Variants in SHANK2 observed in about 807,000 individuals in gnomAD.
SHANK2 encodes SH3 and multiple ankyrin repeat domains protein 2.
Under a neutral mutation model 133.7 loss-of-function variants are expected in SHANK2, and 43 were observed. The observed-to-expected ratio is 0.32, with a 90% CI of 0.25 to 0.41. The LOEUF (loss-of-function observed/expected upper bound fraction) is 0.41, where lower values mean the gene tolerates loss of function less well. SHANK2 is among the 10% of genes least tolerant of loss of function. The pLI, the probability that SHANK2 is intolerant of heterozygous loss-of-function variation, is 1.00. For synonymous variants in SHANK2, 1,017 were observed against 952.8 expected (o/e 1.07, Z -1.24); for missense variants, 1,994 against 2,235.8 (o/e 0.89, Z 2.18).
intron 17 of SHANK2, among the ~76,000 whole-genome samples, chr11:70,519,741 A>T (rs1431130074): frequency 6.6e-6 from 1 of 152,006 alleles, no homozygotes; most frequent in South Asian, 2.1e-4. Flanking sequence ...TATTGTTTTT[A>T]TTTTATTTTA....
chr11:70,923,697 C>T (rs1339547147), intron 10 of SHANK2, among the ~76,000 whole-genome samples: 2 of 152,194 alleles, frequency 1.3e-5, no homozygotes, highest in African/African-American at 2.4e-5. Context: ...TACAAGTATG[C>T]ACCACCATGC....
chr11:70,752,285 G>A (rs528297333), intron 14 of SHANK2, among the ~76,000 whole-genome samples: 1 of 151,872 alleles, frequency 6.6e-6, no homozygotes, highest in South Asian at 2.1e-4. Context: ...AACAACATAG[G>A]GAGGTTAAAA....
At chr11:70,689,895 C>A (rs781979386) in intron 15 of SHANK2, among the ~76,000 whole-genome samples, 5 of 152,210 alleles carry the variant, frequency 3.3e-5, no homozygotes, top group African/African-American at 4.8e-5. Flanking sequence ...CAGCAAGGCT[C>A]TAAGCCATGA....
chr11:70,628,341 C>T (rs782200767), intron 17 of SHANK2, among the ~76,000 whole-genome samples: 3 of 152,078 alleles, frequency 2.0e-5, no homozygotes, highest in South Asian at 2.1e-4. Context: ...CAAATTCTGA[C>T]GGGCGCAGCA....
chr11:70,512,270 CA>C (rs2059214171), intron 17 of SHANK2, among the ~76,000 whole-genome samples: 1 of 152,156 alleles, frequency 6.6e-6, no homozygotes. Context: ...CAGATACTGC[CA>C]AATGTCCTAT....
rs181595041 is a variant in SHANK2, at chr11:70,830,635, T to C, written c.1175-9953A>G. Among the ~76,000 whole-genome samples the C allele has an allele frequency of 2.8e-3, 419 of 152,316 alleles. 1 individual carries two copies. The highest frequency in any genetic ancestry group is 9.4e-3 in the African/African-American group (391 of 41,560). On this transcript the variant is annotated intron_variant, in intron 11 of 25. Transcript: ENST00000601538. This position sits in a 1 kb window ranked among gnomAD's most constrained non-coding sequence, Gnocchi z 4.4. ...GATGACCGAGCGCTAGTGGTTGAGATGAAAATTAAGACAAAGATAAAAGAT... is the reference window on the plus strand; with the variant it reads ...GATGACCGAGCGCTAGTGGTTGAGACGAAAATTAAGACAAAGATAAAAGAT...
At chr11:70,671,249 C>T (rs1318126167) in intron 15 of SHANK2, among the ~76,000 whole-genome samples, 2 of 152,258 alleles carry the variant, frequency 1.3e-5, no homozygotes, top group Admixed American at 6.5e-5. Context: ...ATCAGCGCTC[C>T]CTGCCGAGAC....
intron 17 of SHANK2, among the ~76,000 whole-genome samples, chr11:70,576,823 T>C (rs1949317238): frequency 6.6e-6 from 1 of 152,110 alleles, no homozygotes; most frequent in African/African-American, 2.4e-5. Flanking sequence ...ATCCCTCACT[T>C]TTCTCCCCTA....
chr11:70,883,755 C>T (rs1258627915), intron 11 of SHANK2, among the ~76,000 whole-genome samples: 1 of 152,220 alleles, frequency 6.6e-6, no homozygotes, highest in Non-Finnish European at 1.5e-5. Flanking sequence ...GGAAACAAGA[C>T]CCGGCCTCCA....
intron 17 of SHANK2, among the ~76,000 whole-genome samples, chr11:70,636,748 ATG>A (rs1193327485): frequency 2.9e-4 from 7 of 23,830 alleles, no homozygotes; most frequent in Non-Finnish European, 6.2e-4. Flanking sequence ...ATGTGTGAGC[ATG>A]TGTGTGAGCA....
intron 17 of SHANK2, chr11:70,654,220 A>C (rs1318839730): frequency 5.9e-5 from 9 of 152,248 alleles, no homozygotes; most frequent in Admixed American, 5.2e-4. Context: ...GCGTCATCAG[A>C]GCCCTGCAGC....
chr11:70,942,187 G>A (rs571928791), intron 10 of SHANK2, among the ~76,000 whole-genome samples: 6 of 151,534 alleles, frequency 4.0e-5, no homozygotes, highest in Middle Eastern at 3.4e-3. Context: ...ACTCTGTCTC[G>A]AAAAAAAAGG....
intron 14 of SHANK2, among the ~76,000 whole-genome samples, chr11:70,763,254 G>T (rs1947032002): frequency 6.6e-6 from 1 of 152,182 alleles, no homozygotes; most frequent in African/African-American, 2.4e-5. Flanking sequence ...CAGTGATGAA[G>T]CACCTGCCAC....
intron 2 of SHANK2, among the ~76,000 whole-genome samples, chr11:71,155,746 C>T (rs1555109013): frequency 6.6e-6 from 1 of 150,684 alleles, no homozygotes; most frequent in Admixed American, 6.6e-5. Flanking sequence ...GCCGTGGCCA[C>T]ACAAAACCAC....
intron 17 of SHANK2, among the ~76,000 whole-genome samples, chr11:70,530,592 G>A (rs576370170): frequency 2.0e-5 from 3 of 152,290 alleles, no homozygotes; most frequent in East Asian, 1.9e-4. Context: ...CAACGTGGAT[G>A]AGCCTTGAGG....
intron 8 of SHANK2, among the ~76,000 whole-genome samples, chr11:71,076,950 C>G (rs1341161913): frequency 6.6e-6 from 1 of 152,070 alleles, no homozygotes; most frequent in African/African-American, 2.4e-5. Context: ...CTGCTGGGAC[C>G]CTCAACACAG....
intron 17 of SHANK2, among the ~76,000 whole-genome samples, chr11:70,591,996 G>A (rs471179): frequency 4.6e-5 from 7 of 151,952 alleles, no homozygotes; most frequent in East Asian, 1.9e-4. Context: ...TCGCGCCATC[G>A]CACTCCAGTC....
intron 17 of SHANK2, among the ~76,000 whole-genome samples, chr11:70,632,264 G>T (rs537271447): frequency 2.6e-5 from 4 of 152,126 alleles, no homozygotes; most frequent in Non-Finnish European, 5.9e-5. Flanking sequence ...TGGGACTACA[G>T]GTGCCCACCA....
In SHANK2 at chr11:70,472,865, G is replaced by A. The variant is rs369282880; in HGVS notation, c.*4C>T. The A allele has an allele frequency of 2.5e-5, 41 of 1,613,780 alleles. No individual in the cohort carries two copies. Among genetic ancestry groups the A allele is most frequent in the African/African-American group, 5.3e-5 (4 of 74,922 alleles). On this transcript the variant is annotated 3_prime_UTR_variant, in exon 26 of 26. Transcript: ENST00000601538. The surrounding 1 kb of genome is among the most constrained non-coding windows in gnomAD (Gnocchi z 4.4). ...GCAGTCTGCGAGGTGGAGAGCAGCC[G>A]TCCTTATCTGTCCAGCAGCTGTTTC...
Sources: gnomAD v4.1 joint callset for allele counts (sites outside exome capture counted in the v4.1 genomes callset) on GRCh38, gnomAD v4.1.1 for gene constraint, Gnocchi (gnomAD v3.1) non-coding constraint, MANE v1.5 for transcripts, NCBI Gene and HGNC (gene_info 2026-07-23, HGNC 2026-07-21) for gene names.